VPS37A: variants seen among roughly 807,000 people sequenced by gnomAD.
The protein encoded by VPS37A is VPS37A subunit of ESCRT-I, also known as vacuolar protein sorting-associated protein 37A.
VPS37A carries 30 observed loss-of-function variants against 49.8 expected under a neutral mutation model. That is an observed-to-expected ratio of 0.60 (90% CI 0.45 to 0.82). The LOEUF (loss-of-function observed/expected upper bound fraction) is 0.82, where lower values mean the gene tolerates loss of function less well. VPS37A is among the 40% of genes least tolerant of loss of function. VPS37A has a pLI of 0.00. For missense variants in VPS37A, 593 were observed against 464.4 expected, an observed-to-expected ratio of 1.28 and a Z score of -2.55; for synonymous variants, 195 against 160.6, an observed-to-expected ratio of 1.21 and a Z score of -1.62.
At chr8:17,256,657 T>TATTG (rs1372369172) in intron 1 of VPS37A, among the ~76,000 whole-genome samples, 1 of 151,390 alleles carries the variant, frequency 6.6e-6, no homozygotes, top group African/African-American at 2.4e-5. Context: ...TTTATTTATT[T>TATTG]ATTTATTTAT....
At chr8:17,278,080 G>A (rs1465823660) in intron 6 of VPS37A, among the ~76,000 whole-genome samples, 1 of 151,918 alleles carries the variant, frequency 6.6e-6, no homozygotes, top group Non-Finnish European at 1.5e-5. Context: ...GCCTCCTTGT[G>A]GTACCATTGA....
Position 17,280,437 on chromosome 8 carries a change from T to G in VPS37A, c.963T>G (p.Leu321=). The change falls in exon 9 of 12, where the codon CTT becomes CTG. Residue 321 remains leucine, a synonymous_variant. Transcript: ENST00000324849. ...AGAAGATGCAAAGGCAGCATGAACTTAGTGAGGTAAGACTGTTTATTTTTT... is the reference window on the plus strand; with the variant it reads ...AGAAGATGCAAAGGCAGCATGAACTGAGTGAGGTAAGACTGTTTATTTTTT... ...FEKKMQRQHE[L]SESCSASALQ... is the part of the protein sequence containing the mutation. The G allele has an allele frequency of 6.2e-7, 1 of 1,607,562 alleles. No individual in the cohort carries two copies. Among genetic ancestry groups the G allele is most frequent in the Non-Finnish European group, 8.5e-7 (1 of 1,177,906 alleles).
intron 2 of VPS37A, 93 bp downstream of exon 2, chr8:17,266,074 C>G (rs1044974677): frequency 2.7e-6 from 3 of 1,112,286 alleles, no homozygotes; most frequent in Non-Finnish European, 3.9e-6. Flanking sequence ...TTAAGGTGAA[C>G]TTATTTCAAG....
intron 1 of VPS37A, among the ~76,000 whole-genome samples, chr8:17,256,426 C>T (rs550932548): frequency 1.3e-5 from 2 of 150,978 alleles, no homozygotes; most frequent in East Asian, 1.9e-4. Flanking sequence ...CACACCACCA[C>T]ACCCTGTATG....
chr8:17,313,173 G>T, the VPS37A span: 1 of 628,854 alleles, frequency 1.6e-6, no homozygotes, highest in Non-Finnish European at 2.7e-6. Context: ...CTACAAAGCT[G>T]GCTATCCAGT....
intron 5 of VPS37A, among the ~76,000 whole-genome samples, chr8:17,275,786 C>G (rs1291449047): frequency 6.6e-6 from 1 of 152,060 alleles, no homozygotes; most frequent in Non-Finnish European, 1.5e-5. Flanking sequence ...ATAGTATATC[C>G]AACATTACTA....
intron 11 of VPS37A, among the ~76,000 whole-genome samples, chr8:17,287,562 C>T (rs946337841): frequency 3.3e-5 from 5 of 151,814 alleles, no homozygotes; most frequent in Admixed American, 3.3e-4. Context: ...CCTGTAGTCT[C>T]AGCTACTCGG....
chr8:17,276,302 A>G, intron 5 of VPS37A, 95 bp from the exon 6 acceptor site: 1 of 914,182 alleles, frequency 1.1e-6, no homozygotes. Flanking sequence ...GCAAACAGTT[A>G]TGGGATATAG....
At chr8:17,293,418 C>G (rs1816323931) in intron 11 of VPS37A, among the ~76,000 whole-genome samples, 1 of 152,048 alleles carries the variant, frequency 6.6e-6, no homozygotes, top group Non-Finnish European at 1.5e-5. Flanking sequence ...TCCTTTAGCT[C>G]TAAGGAGTTT....
At chr8:17,247,623 T>A (rs1477380692) in intron 1 of VPS37A, 1 of 705,346 alleles carries the variant, frequency 1.4e-6, no homozygotes, top group Non-Finnish European at 2.6e-6. Context: ...GACACATAGC[T>A]GCTGACTGTA....
At chr8:17,311,558 C>A in the VPS37A span, 1 of 1,614,110 alleles carries the variant, frequency 6.2e-7, no homozygotes, top group Non-Finnish European at 8.5e-7. Context: ...AGCAGGCTTG[C>A]CACCGAGCAC....
the VPS37A span, among the ~76,000 whole-genome samples, chr8:17,321,180 G>T: frequency 9.2e-5 from 14 of 152,314 alleles, 1 homozygote; most frequent in South Asian, 2.7e-3. Context: ...GCATGGAAAT[G>T]ACTGCAAGTT....
the VPS37A span, chr8:17,309,147 A>C: frequency 1.5e-6 from 1 of 656,680 alleles, no homozygotes; most frequent in Admixed American, 2.9e-5. Flanking sequence ...ATATACAACA[A>C]AATTTAAGCT....
At chr8:17,298,370 C>G (rs1563306038), downstream of VPS37A, 1 of 151,938 alleles carries the variant, frequency 6.6e-6, no homozygotes, top group Admixed American at 6.6e-5. Flanking sequence ...ATTAACAGTA[C>G]TTTTAAATCA....
chr8:17,281,942 T>C (rs1249879534), intron 9 of VPS37A, among the ~76,000 whole-genome samples: 2 of 152,058 alleles, frequency 1.3e-5, no homozygotes, highest in Non-Finnish European at 2.9e-5. Flanking sequence ...GAATGAAAGA[T>C]CCATTATTAA....
chr8:17,308,685 G>C, the VPS37A span, among the ~76,000 whole-genome samples: 4 of 152,132 alleles, frequency 2.6e-5, no homozygotes, highest in African/African-American at 7.2e-5. Context: ...ACTGACAAAA[G>C]GAGGCTGGTG....
At chr8:17,310,114 C>T in the VPS37A span, among the ~76,000 whole-genome samples, 1 of 152,116 alleles carries the variant, frequency 6.6e-6, no homozygotes, top group African/African-American at 2.4e-5. Flanking sequence ...GATCCTCCCA[C>T]CTCAGCCCAA....
At chr8:17,290,686 G>A (rs1210166047) in intron 11 of VPS37A, among the ~76,000 whole-genome samples, 1 of 152,168 alleles carries the variant, frequency 6.6e-6, no homozygotes, top group Admixed American at 6.5e-5. Flanking sequence ...GATGATGCTG[G>A]CCTCATACAA....
At chr8:17,313,890 A>C in the VPS37A span, among the ~76,000 whole-genome samples, 1 of 152,238 alleles carries the variant, frequency 6.6e-6, no homozygotes, top group African/African-American at 2.4e-5. Context: ...TTCTTAAATG[A>C]AAATGATCAA....
Sources: gnomAD v4.1 joint callset for allele counts (sites outside exome capture counted in the v4.1 genomes callset) on GRCh38, gnomAD v4.1.1 for gene constraint, MANE v1.5 for transcripts, NCBI Gene and HGNC (gene_info 2026-07-23, HGNC 2026-07-21) for gene names.